The following MDGA1 variants were observed in gnomAD, a reference collection of about 807,000 sequenced individuals.
MDGA1 encodes MAM domain containing glycosylphosphatidylinositol anchor 1, also known as MAM domain-containing glycosylphosphatidylinositol anchor protein 1.
In MDGA1, 54 loss-of-function variants were observed where a neutral mutation model predicts 101.5. The observed-to-expected ratio is 0.53, with a 90% CI of 0.43 to 0.67. The LOEUF (loss-of-function observed/expected upper bound fraction) is 0.67, where lower values mean the gene tolerates loss of function less well. Ranked by LOEUF, MDGA1 falls within the 30% of genes least tolerant of loss-of-function variation. The pLI, the probability that MDGA1 is intolerant of heterozygous loss-of-function variation, is 0.00. For synonymous variants in MDGA1, 533 were observed against 558.3 expected, an observed-to-expected ratio of 0.95 and a Z score of 0.64; for missense variants, 1,083 against 1,323.8, an observed-to-expected ratio of 0.82 and a Z score of 2.82.
At chr6:37,661,343 C>T (rs1761620419) in intron 2 of MDGA1, among the ~76,000 whole-genome samples, 1 of 152,206 alleles carries the variant, frequency 6.6e-6, no homozygotes, top group Non-Finnish European at 1.5e-5. Flanking sequence ...GATATCCCTC[C>T]TTCTCACAGC....
In MDGA1 at chr6:37,652,273, G is replaced by A; in HGVS notation, c.1050C>T (p.Gly350=). 2 of 1,613,970 alleles carry A rather than the reference G, an allele frequency of 1.2e-6. No homozygotes were observed. Among genetic ancestry groups the A allele is most frequent in the Non-Finnish European group, 1.7e-6 (2 of 1,179,886 alleles). The change falls in exon 7 of 17, where the codon GGC becomes GGT. Residue 350 remains glycine (G), a synonymous_variant. Transcript: ENST00000434837. This position sits in a 1 kb window ranked among gnomAD's most constrained non-coding sequence, Gnocchi z 4.3. Reference sequence around the variant, plus strand: ...CGTGGCACGATAGCTTCAGGTCCTGGCCCAGCTGGATGTTCTCACTCTCTT... The same window carrying A: ...CGTGGCACGATAGCTTCAGGTCCTGACCCAGCTGGATGTTCTCACTCTCTT... ...VIKESENIQL[G]QDLKLSCHVD...
chr6:37,664,600 TAC>T (rs61046567), intron 1 of MDGA1, among the ~76,000 whole-genome samples: 3,435 of 118,070 alleles, frequency 0.029, 100 homozygotes, highest in African/African-American at 0.095. Flanking sequence ...TCCCCCACAA[TAC>T]ACACACACAC....
In MDGA1 at chr6:37,638,924, A is replaced by T; in HGVS notation, c.2537-257T>A. On this transcript the variant is annotated intron_variant, in intron 14 of 16. Coordinates refer to ENST00000434837, the MANE Select transcript of MDGA1 (RefSeq NM_153487.4). This position sits in a 1 kb window ranked among gnomAD's most constrained non-coding sequence, Gnocchi z 4.8. ...CTTTCATTTCTTTCCTGCCCTGCTA[A>T]TCAGCTAATCTCCCCAACCCCAAAC... 2.3e-6 allele frequency: 1 copy of T among 426,788 alleles called. No homozygotes were observed. Among genetic ancestry groups the T allele is most frequent in the East Asian group, 5.0e-5 (1 of 20,098 alleles). 26.4% of individuals were successfully genotyped at this position (426,788 alleles called of 1,614,324 possible).
intron 1 of MDGA1, among the ~76,000 whole-genome samples, chr6:37,681,807 T>G (rs539542605): frequency 6.6e-6 from 1 of 152,074 alleles, no homozygotes. Context: ...AATGAGGGCA[T>G]GAAGCCCACC....
intron 1 of MDGA1, among the ~76,000 whole-genome samples, chr6:37,682,561 C>A (rs1762118638): frequency 6.6e-6 from 1 of 152,178 alleles, no homozygotes; most frequent in African/African-American, 2.4e-5. Flanking sequence ...CTTTGACCTT[C>A]CATGATTCCA....
Position 37,638,218 on chromosome 6 carries a change from C to T in MDGA1, c.2763G>A (p.Thr921=), listed in dbSNP as rs746996668. ...LKKGECPRKQ[T]DPNKVVVMPG... ...CCCGTCTTGCACCTTTATTGGGATC[C>T]GTCTGCTTCCGGGGACACTCCCCCT... Residue 921 remains threonine, a synonymous_variant, in exon 16 of 17, where the codon ACG becomes ACA. Coordinates refer to ENST00000434837, the MANE Select transcript of MDGA1 (RefSeq NM_153487.4). This position sits in a 1 kb window ranked among gnomAD's most constrained non-coding sequence, Gnocchi z 4.8. 24 of 1,613,452 alleles carry T rather than the reference C, an allele frequency of 1.5e-5. No homozygotes were observed. Among genetic ancestry groups the T allele is most frequent in the African/African-American group, 5.3e-5 (4 of 74,976 alleles).
At chr6:37,671,174 G>A (rs544387315) in intron 1 of MDGA1, among the ~76,000 whole-genome samples, 11 of 152,266 alleles carry the variant, frequency 7.2e-5, no homozygotes, top group South Asian at 2.1e-4. Flanking sequence ...CATCACAGAC[G>A]ATTTTCACTG....
chr6:37,692,625 G>A (rs1466057928), intron 1 of MDGA1, among the ~76,000 whole-genome samples: 1 of 152,002 alleles, frequency 6.6e-6, no homozygotes, highest in Non-Finnish European at 1.5e-5. Flanking sequence ...TCATTCATTT[G>A]CCGGGCCTTG....
In MDGA1 at chr6:37,696,344, G is replaced by C. The variant is rs1455168322; in HGVS notation, c.67+401C>G. On this transcript the variant is annotated intron_variant, in intron 1 of 16. Transcript: ENST00000434837. This position sits in a 1 kb window ranked among gnomAD's most constrained non-coding sequence, Gnocchi z 5.6. ...CAGCCGGCTCGCCCGCAAGCCGCGC[G>C]GCAACTCCGGCTCATGCATCGCTTG... Among the ~76,000 whole-genome samples, 1 of 152,138 alleles carries C rather than the reference G, an allele frequency of 6.6e-6. No individual in the cohort carries two copies. The highest frequency in any genetic ancestry group is 1.5e-5 in the Non-Finnish European group (1 of 68,024).
chr6:37,695,989 G>A (rs1432231705), intron 1 of MDGA1, among the ~76,000 whole-genome samples: 1 of 152,196 alleles, frequency 6.6e-6, no homozygotes, highest in African/African-American at 2.4e-5. Context: ...ACCACAGCGA[G>A]GCGTGCGGAC....
At position 37,654,300 on chromosome 6, in the gene MDGA1, T is replaced by C; in HGVS notation, c.956A>G (p.Lys319Arg). Residue 319 changes from lysine (K) to arginine (R), a missense_variant, in exon 6 of 17, where the codon AAG (lysine) becomes AGG (arginine). Physicochemically the swap from Lys to Arg is conservative, Grantham distance 26. Around this residue, in one of 3 missense-constraint regions of MDGA1, gnomAD observed 116 missense variants for 196.6 expected, o/e 0.59. Coordinates refer to ENST00000434837, the MANE Select transcript of MDGA1 (RefSeq NM_153487.4). ...TCGCACCAGCAGGTTGACAGTCTTC[T>C]TGGCAGGGTTGCCCACATTGTTGGT... ...TATNNVGNPA[K>R]KTVNLLVRSM... 6.4e-7 allele frequency: 1 copy of C among 1,564,570 alleles called. No individual in the cohort carries two copies. The highest frequency in any genetic ancestry group is 8.7e-7 in the Non-Finnish European group (1 of 1,154,644).
rs1440815640 is a variant in MDGA1, at chr6:37,631,312, T to C, written c.*6056A>G. 6.6e-6 allele frequency: 1 copy of C among 152,228 alleles called. No individual in the cohort carries two copies. Among genetic ancestry groups the C allele is most frequent in the Non-Finnish European group, 1.5e-5 (1 of 68,060 alleles). The allele number at this position is 152,228 out of a possible 1,614,324, so 9.4% of individuals were successfully genotyped here. A position where few individuals can be genotyped will look rare whatever the true frequency, so the allele number is the denominator to read the frequency against. On this transcript the variant is annotated 3_prime_UTR_variant, in exon 17 of 17. Transcript: ENST00000434837. ...TGTACTTGAGTGAGCTTGAGCGGAT[T>C]TCTCTTCCTGTGCTCAGGGAGCCAA...
chr6:37,672,693 T>C (rs1390125141), intron 1 of MDGA1, among the ~76,000 whole-genome samples: 2 of 151,740 alleles, frequency 1.3e-5, no homozygotes. Flanking sequence ...CTGGATGGAG[T>C]GGTACAGAAT....
rs1763913844 is a variant in MDGA1, at chr6:37,635,713, C to T, written c.*1655G>A. On this transcript the variant is annotated 3_prime_UTR_variant, in exon 17 of 17. Transcript: ENST00000434837. ...GCTCCAGAAGGAGCCCTGTGATGCT[C>T]CTCACCAAAGGTGCTTGCATTCAAT... The T allele has an allele frequency of 2.5e-6, 1 of 398,592 alleles. No homozygotes were observed. Among genetic ancestry groups the T allele is most frequent in the Admixed American group, 4.4e-5 (1 of 22,724 alleles). 24.7% of individuals were successfully genotyped at this position (398,592 alleles called of 1,614,324 possible).
intron 8 of MDGA1, 97 bp from the exon 9 acceptor site, chr6:37,649,363 G>A: frequency 1.4e-6 from 2 of 1,389,116 alleles, no homozygotes; most frequent in Non-Finnish European, 9.3e-7. Flanking sequence ...CTAATGCCGT[G>A]AGCCCCCGCC....
rs1405676970 is a variant in MDGA1 at position 37,696,298 on chromosome 6, G to A, written c.67+447C>T. ...CAGCAACAGCGGGGAAGGCGAGCCCGCCGCCCGGCCTTGGTGCTGACAGCC... is the reference window on the plus strand; with the variant it reads ...CAGCAACAGCGGGGAAGGCGAGCCCACCGCCCGGCCTTGGTGCTGACAGCC... On this transcript the variant is annotated intron_variant, in intron 1 of 16. Coordinates refer to ENST00000434837, the MANE Select transcript of MDGA1 (RefSeq NM_153487.4). The surrounding 1 kb of genome is among the most constrained non-coding windows in gnomAD (Gnocchi z 5.6). Among the ~76,000 whole-genome samples, 2 of 152,138 alleles carry A rather than the reference G, an allele frequency of 1.3e-5. No individual in the cohort carries two copies. Among genetic ancestry groups the A allele is most frequent in the African/African-American group, 4.8e-5 (2 of 41,428 alleles).
At chr6:37,645,692 T>G (rs1205494506) in intron 12 of MDGA1, among the ~76,000 whole-genome samples, 5 of 150,832 alleles carry the variant, frequency 3.3e-5, no homozygotes, top group Non-Finnish European at 7.4e-5. Flanking sequence ...CTTTTTGCTT[T>G]TGGGACAGTA....
At chr6:37,683,934 G>A (rs752257797) in intron 1 of MDGA1, among the ~76,000 whole-genome samples, 1 of 152,168 alleles carries the variant, frequency 6.6e-6, no homozygotes, top group Non-Finnish European at 1.5e-5. Flanking sequence ...TGTCCACTAC[G>A]AAATTTCTCA....
At chr6:37,643,722 G>A in intron 14 of MDGA1, 87 bp downstream of exon 14, 1 of 1,557,470 alleles carries the variant, frequency 6.4e-7, no homozygotes, top group Middle Eastern at 1.8e-4. Context: ...GGCCTCACAT[G>A]GGCCAGCCCA....
Sources: allele counts gnomAD v4.1 joint callset (sites outside exome capture counted in the v4.1 genomes callset), GRCh38; gene constraint gnomAD v4.1.1; regional missense constraint gnomAD v4.1.1; non-coding constraint Gnocchi (gnomAD v3.1); transcripts MANE v1.5; gene names NCBI Gene and HGNC (gene_info 2026-07-23, HGNC 2026-07-21).